STAB2: variants seen among roughly 807,000 people sequenced by gnomAD.
STAB2 encodes stabilin 2.
STAB2 carries 288 observed loss-of-function variants against 338.1 expected under a neutral mutation model. The ratio of observed to expected loss-of-function variants is 0.85; its 90% confidence interval spans 0.77 to 0.94. STAB2 has a LOEUF of 0.94. STAB2 is among the 40% of genes least tolerant of loss of function. STAB2 has a pLI of 0.00. For synonymous variants in STAB2, 1,202 were observed against 1,193.3 expected (o/e 1.01, Z -0.15); for missense variants, 3,141 against 3,210.1 (o/e 0.98, Z 0.52).
intron 45 of STAB2, among the ~76,000 whole-genome samples, chr12:103,725,660 G>A (rs1881139277): frequency 6.6e-6 from 1 of 152,212 alleles, no homozygotes; most frequent in South Asian, 2.1e-4. Context: ...ATGCACGTGT[G>A]TGTGCATGTG....
intron 58 of STAB2, among the ~76,000 whole-genome samples, chr12:103,747,333 G>A (rs746817460): frequency 1.3e-5 from 2 of 152,182 alleles, no homozygotes; most frequent in Non-Finnish European, 2.9e-5. Context: ...TAAGGCAGAT[G>A]TTTCCTATTG....
intron 43 of STAB2, among the ~76,000 whole-genome samples, 169 bp downstream of exon 43, chr12:103,716,057 G>T (rs1880287970): frequency 6.6e-6 from 1 of 152,206 alleles, no homozygotes; most frequent in Non-Finnish European, 1.5e-5. Flanking sequence ...CTTTGGGAAT[G>T]AGGTGAAATG....
At chr12:103,714,920 ATT>A (rs899248827) in intron 42 of STAB2, among the ~76,000 whole-genome samples, 11 of 152,174 alleles carry the variant, frequency 7.2e-5, no homozygotes, top group Non-Finnish European at 2.9e-5. Context: ...TCATATTCTA[ATT>A]TTGTCAGTTG....
intron 58 of STAB2, 33 bp downstream of exon 58, chr12:103,746,737 G>C: frequency 6.2e-7 from 1 of 1,606,456 alleles, no homozygotes; most frequent in Non-Finnish European, 8.5e-7. Context: ...TGAAATAGCA[G>C]CATGGTGTGG....
At chr12:103,606,209 A>C (rs1299442724) in intron 3 of STAB2, among the ~76,000 whole-genome samples, 1 of 152,168 alleles carries the variant, frequency 6.6e-6, no homozygotes, top group Admixed American at 6.5e-5. Flanking sequence ...TACAGTCTAC[A>C]TTTAACTGAT....
At chr12:103,637,047 G>C in intron 6 of STAB2, 64 bp from the exon 7 acceptor site, 1 of 1,504,690 alleles carries the variant, frequency 6.6e-7, no homozygotes, top group East Asian at 2.5e-5. Flanking sequence ...GAATACTGCA[G>C]TTTGGGGGTC....
intron 48 of STAB2, 132 bp downstream of exon 48, chr12:103,729,127 T>G: frequency 1.2e-6 from 1 of 806,152 alleles, no homozygotes; most frequent in Non-Finnish European, 2.0e-6. Flanking sequence ...ATGTCCTCAC[T>G]TACAAGTGGG....
Position 103,761,288 on chromosome 12 carries a change from T to C in STAB2, c.7249-12T>C. The C allele has an allele frequency of 6.2e-7, 1 of 1,613,252 alleles. No individual in the cohort carries two copies. The highest frequency in any genetic ancestry group is 8.5e-7 in the Non-Finnish European group (1 of 1,179,296). On this transcript the variant is annotated splice_polypyrimidine_tract_variant and intron_variant, in intron 65 of 68. Coordinates refer to ENST00000388887, the MANE Select transcript of STAB2 (RefSeq NM_017564.10). ...AGAGTAAAAGCCATCAACCCTCTTC[T>C]CATTTCCCTAGACGGAGACCAGGTT...
At chr12:103,685,443 T>TGTGTGTGTGTGA (rs1877316721) in intron 27 of STAB2, among the ~76,000 whole-genome samples, 1 of 144,922 alleles carries the variant, frequency 6.9e-6, no homozygotes, top group African/African-American at 2.8e-5. Context: ...TGTGTGTGTG[T>TGTGTGTGTGTGA]GTGTGTGTGT....
chr12:103,648,514 G>A (rs80133509), intron 9 of STAB2, among the ~76,000 whole-genome samples, 176 bp from the exon 10 acceptor site: 2,928 of 152,086 alleles, frequency 0.019, 86 homozygotes, highest in African/African-American at 0.064. Flanking sequence ...TAATTTATTA[G>A]GCATCCATTT....
chr12:103,748,595 CACACACACAT>C (rs879448041), intron 58 of STAB2, among the ~76,000 whole-genome samples: 10,162 of 51,898 alleles, frequency 0.2, 398 homozygotes, highest in Admixed American at 0.31. Context: ...CACACACACA[CACACACACAT>C]ACACACACAC....
At chr12:103,735,647 A>G in intron 52 of STAB2, 67 bp downstream of exon 52, 1 of 1,234,200 alleles carries the variant, frequency 8.1e-7, no homozygotes, top group Non-Finnish European at 1.1e-6. Flanking sequence ...TTCCCCAACA[A>G]CTGCCCCTTC....
chr12:103,761,230 A>G (rs1884511971), intron 65 of STAB2, 70 bp from the exon 66 acceptor site: 1 of 1,460,228 alleles, frequency 6.8e-7, no homozygotes, highest in African/African-American at 1.4e-5. Context: ...GGAAAATTGA[A>G]CAACTTCCCT....
intron 3 of STAB2, among the ~76,000 whole-genome samples, chr12:103,610,579 T>C (rs574064887): frequency 6.6e-6 from 1 of 152,310 alleles, no homozygotes; most frequent in African/African-American, 2.4e-5. Flanking sequence ...CTTCTCTCTT[T>C]TCTTCTTTAT....
intron 9 of STAB2, among the ~76,000 whole-genome samples, chr12:103,641,929 G>A (rs1265248677): frequency 2.0e-5 from 3 of 152,160 alleles, no homozygotes; most frequent in East Asian, 1.9e-4. Flanking sequence ...GTTCATCTGG[G>A]ATAAAAATTT....
At chr12:103,726,047 C>T in intron 45 of STAB2, 69 bp from the exon 46 acceptor site, 1 of 1,555,928 alleles carries the variant, frequency 6.4e-7, no homozygotes, top group Non-Finnish European at 8.8e-7. Flanking sequence ...AGAAATCATC[C>T]CATGACAACC....
intron 34 of STAB2, 95 bp downstream of exon 34, chr12:103,699,322 T>A: frequency 6.8e-7 from 1 of 1,464,822 alleles, no homozygotes; most frequent in Non-Finnish European, 9.2e-7. Flanking sequence ...TCATCCTTCA[T>A]CACTTCTGTA....
chr12:103,674,183 C>T, intron 23 of STAB2, 96 bp downstream of exon 23: 3 of 1,395,316 alleles, frequency 2.2e-6, no homozygotes, highest in African/African-American at 1.4e-5. Flanking sequence ...ACGGAGCCAA[C>T]CCATATCTGA....
At chr12:103,619,110 A>G (rs1957257487) in intron 3 of STAB2, among the ~76,000 whole-genome samples, 1 of 152,158 alleles carries the variant, frequency 6.6e-6, no homozygotes, top group Admixed American at 6.5e-5. Flanking sequence ...TCCTTTTTAA[A>G]TTACCCGGTC....
Sources: gnomAD v4.1 joint callset for allele counts (sites outside exome capture counted in the v4.1 genomes callset) on GRCh38, gnomAD v4.1.1 for gene constraint, MANE v1.5 for transcripts, NCBI Gene and HGNC (gene_info 2026-07-23, HGNC 2026-07-21) for gene names.